Variants in DIAPH2 observed in about 807,000 individuals in gnomAD.
The protein encoded by DIAPH2 is protein diaphanous homolog 2.
In DIAPH2, 35 loss-of-function variants were observed where a neutral mutation model predicts 92.7. The ratio of observed to expected loss-of-function variants is 0.38; its 90% CI spans 0.29 to 0.50. The LOEUF is 0.50. DIAPH2 is among the 20% of genes least tolerant of loss of function. The pLI, the probability that DIAPH2 is intolerant of heterozygous loss-of-function variation, is 0.94. For synonymous variants in DIAPH2, 301 were observed against 280.4 expected (o/e 1.07, Z -0.73); for missense variants, 701 against 819.5 (o/e 0.86, Z 1.77).
intron 4 of DIAPH2, among the ~76,000 whole-genome samples, chrX:96,863,241 CTTTT>C (rs72109103): frequency 1.2e-5 from 1 of 86,100 alleles, no homozygotes; most frequent in Non-Finnish European, 2.3e-5. Context: ...CTCATTATTC[CTTTT>C]TTTTTTTTTT....
intron 23 of DIAPH2, among the ~76,000 whole-genome samples, chrX:97,252,716 GTGTTT>G (rs57036021): frequency 1.9e-5 from 2 of 104,294 alleles, no homozygotes; most frequent in Non-Finnish European, 2.0e-5. Context: ...CAAAGCTGTT[GTGTTT>G]TGTTTTGTTT....
intron 22 of DIAPH2, among the ~76,000 whole-genome samples, chrX:97,143,343 G>T (rs775131574): frequency 9.1e-6 from 1 of 110,148 alleles, no homozygotes; most frequent in African/African-American, 3.3e-5. Context: ...TCATTTTGTT[G>T]CTATTAATAC....
intron 23 of DIAPH2, among the ~76,000 whole-genome samples, chrX:97,323,911 A>T (rs1200996369): frequency 6.4e-5 from 7 of 109,303 alleles, no homozygotes; most frequent in Non-Finnish European, 1.1e-4. Flanking sequence ...CTCAAAAAAA[A>T]AAAAAAAAAA....
chrX:97,406,607 A>T (rs978907867), intron 25 of DIAPH2, among the ~76,000 whole-genome samples: 2 of 112,020 alleles, frequency 1.8e-5, no homozygotes, highest in African/African-American at 6.5e-5. Context: ...GTAAGAGTAT[A>T]AGTAGTGTAT....
chrX:97,327,463 C>T (rs1482507049), intron 23 of DIAPH2, among the ~76,000 whole-genome samples: 3 of 111,143 alleles, frequency 2.7e-5, no homozygotes, highest in Admixed American at 9.6e-5. Context: ...GAGACAGTCT[C>T]GCTCTGTCGC....
At chrX:97,378,215 T>A (rs2069519147) in intron 24 of DIAPH2, among the ~76,000 whole-genome samples, 1 of 109,958 alleles carries the variant, frequency 9.1e-6, no homozygotes, top group Non-Finnish European at 1.9e-5. Context: ...AGACCCCGTC[T>A]CTACAAAAAA....
intron 17 of DIAPH2, among the ~76,000 whole-genome samples, chrX:96,993,228 A>C (rs1289929741): frequency 9.0e-6 from 1 of 111,482 alleles, no homozygotes; most frequent in Non-Finnish European, 1.9e-5. Flanking sequence ...ACTTTTTGGG[A>C]GAGAGTTTTA....
chrX:97,234,331 CAAAA>C (rs1182930277), intron 22 of DIAPH2, among the ~76,000 whole-genome samples: 2 of 31,199 alleles, frequency 6.4e-5, no homozygotes. Context: ...AACTCCATCT[CAAAA>C]AAAAAAAAAA....
At chrX:97,500,777 T>TCC (rs1356708128) in intron 26 of DIAPH2, among the ~76,000 whole-genome samples, 7 of 82,402 alleles carry the variant, frequency 8.5e-5, no homozygotes, top group Non-Finnish European at 1.3e-4. Context: ...TATATATATA[T>TCC]ATATATATAT....
chrX:96,962,348 T>C (rs2065859701), intron 16 of DIAPH2, among the ~76,000 whole-genome samples: 1 of 68,498 alleles, frequency 1.5e-5, no homozygotes, highest in Non-Finnish European at 2.6e-5. Flanking sequence ...CATATATATA[T>C]ATACACATAT....
chrX:97,216,442 C>T (rs1314906683), intron 22 of DIAPH2, among the ~76,000 whole-genome samples: 1 of 109,329 alleles, frequency 9.1e-6, no homozygotes, highest in Non-Finnish European at 1.9e-5. Context: ...GTAGCTAGGA[C>T]CAGAGATGTG....
chrX:97,322,296 G>C (rs1262763050), intron 23 of DIAPH2, among the ~76,000 whole-genome samples: 1 of 112,228 alleles, frequency 8.9e-6, no homozygotes, highest in Non-Finnish European at 1.9e-5. Context: ...TTTAAAAAAT[G>C]TATTTAGGGC....
chrX:97,374,226 T>C (rs889360898), intron 24 of DIAPH2, among the ~76,000 whole-genome samples: 1 of 110,929 alleles, frequency 9.0e-6, no homozygotes, highest in African/African-American at 3.3e-5. Flanking sequence ...TAGGAAGAAA[T>C]GAACATAGTA....
chrX:97,438,751 A>C (rs1407129706), intron 26 of DIAPH2, among the ~76,000 whole-genome samples: 1 of 111,310 alleles, frequency 9.0e-6, no homozygotes, highest in Non-Finnish European at 1.9e-5. Context: ...GAGGGAAAGA[A>C]AAGTAGTTAG....
intron 26 of DIAPH2, among the ~76,000 whole-genome samples, chrX:97,475,829 A>G (rs746350352): frequency 1.8e-4 from 20 of 112,278 alleles, no homozygotes; most frequent in African/African-American, 4.2e-4. Flanking sequence ...AGTTGCATCT[A>G]TAAGTCATTT....
rs181033700 is a variant in DIAPH2 at position 97,197,876 on chromosome X, G to C, written c.2720-49839G>C. Reference sequence around the variant, plus strand: ...AAGATTTTACTAATTTGACCAGGTTGTTCTTTAAAAACCAGTTATTTTAAT... The same window carrying C: ...AAGATTTTACTAATTTGACCAGGTTCTTCTTTAAAAACCAGTTATTTTAAT... On this transcript the variant is annotated intron_variant, in intron 22 of 26. Coordinates refer to ENST00000324765, the MANE Select transcript of DIAPH2 (RefSeq NM_006729.5). 8.1e-5 allele frequency among the ~76,000 whole-genome samples: 9 copies of C among 111,743 alleles called. No individual in the cohort carries two copies. The East Asian group carries it at 2.5e-3, about 31-fold the overall frequency.
intron 25 of DIAPH2, among the ~76,000 whole-genome samples, chrX:97,416,012 A>C (rs2069942228): frequency 8.9e-6 from 1 of 111,821 alleles, no homozygotes. Context: ...ATCTTTCAGC[A>C]GCTTGTTTCA....
chrX:97,323,198 A>G (rs1450830653), intron 23 of DIAPH2, among the ~76,000 whole-genome samples: 2 of 105,299 alleles, frequency 1.9e-5, no homozygotes, highest in Non-Finnish European at 3.9e-5. Flanking sequence ...GAGCCACCGC[A>G]CCCAGCCCCT....
intron 17 of DIAPH2, among the ~76,000 whole-genome samples, chrX:97,017,576 A>C (rs2131819): frequency 8.9e-6 from 1 of 112,043 alleles, no homozygotes; most frequent in South Asian, 3.7e-4. Flanking sequence ...AGATAAATTG[A>C]AATATATGGT....
Sources: allele counts gnomAD v4.1 joint callset (sites outside exome capture counted in the v4.1 genomes callset), GRCh38; gene constraint gnomAD v4.1.1; transcripts MANE v1.5; gene names NCBI Gene and HGNC (gene_info 2026-07-23, HGNC 2026-07-21).